The following CTNNA2 variants were observed in gnomAD, a reference collection of about 807,000 sequenced individuals.
CTNNA2 encodes the protein catenin alpha 2.
A neutral mutation model predicts 101.0 loss-of-function variants in CTNNA2; 42 were observed. The ratio of observed to expected loss-of-function variants is 0.42; its 90% confidence interval spans 0.32 to 0.54. The LOEUF (loss-of-function observed/expected upper bound fraction) is 0.54, where lower values mean the gene tolerates loss of function less well. Among genes scored for constraint, CTNNA2 ranks in the 20% least tolerant of loss-of-function variants. CTNNA2 has a pLI of 0.14. For synonymous variants in CTNNA2, 450 were observed against 456.4 expected (o/e 0.99, Z 0.18); for missense variants, 871 against 1,223.1 (o/e 0.71, Z 4.29).
chr2:79,441,623 A>G (rs1678778961), intron 4 of CTNNA2, among the ~76,000 whole-genome samples: 1 of 152,178 alleles, frequency 6.6e-6, no homozygotes, highest in African/African-American at 2.4e-5. Context: ...GATATTTTCA[A>G]TAAGCTGCTA....
chr2:79,494,445 A>G lies in CTNNA2; in HGVS notation c.-134-10609A>G, dbSNP rs144419923. 1.2e-4 allele frequency among the ~76,000 whole-genome samples: 18 copies of G among 152,346 alleles called. No individual in the cohort carries two copies. The Middle Eastern group carries it at 0.014, about 115-fold the overall frequency. On this transcript the variant is annotated intron_variant, in intron 4 of 21. Coordinates refer to the CTNNA2 transcript ENST00000466387. ...GCTACAGTAATCAAGACAGTGTAGT[A>G]CTGGTATAAAAATAGACATGTAGAT...
intron 7 of CTNNA2, among the ~76,000 whole-genome samples, chr2:80,292,749 T>G (rs1013047232): frequency 2.0e-5 from 3 of 152,214 alleles, no homozygotes; most frequent in African/African-American, 7.2e-5. Flanking sequence ...ACTCCACAAA[T>G]GTTGACTTAA....
intron 4 of CTNNA2, among the ~76,000 whole-genome samples, chr2:79,416,685 CAGTT>C (rs1272437281): frequency 6.6e-6 from 1 of 151,986 alleles, no homozygotes; most frequent in Non-Finnish European, 1.5e-5. Flanking sequence ...CCTGGGTTAA[CAGTT>C]AGGGACATAT....
At chr2:79,249,806 C>T (rs904017487) in intron 2 of CTNNA2, among the ~76,000 whole-genome samples, 5 of 152,110 alleles carry the variant, frequency 3.3e-5, no homozygotes, top group African/African-American at 9.7e-5. Context: ...GTTTAGTCCC[C>T]TCTTTAGATT....
chr2:80,366,111 T>A (rs1674908887), intron 7 of CTNNA2, among the ~76,000 whole-genome samples: 1 of 152,142 alleles, frequency 6.6e-6, no homozygotes, highest in South Asian at 2.1e-4. Context: ...AATACCAGTT[T>A]ACCAGGAAGA....
intron 2 of CTNNA2, among the ~76,000 whole-genome samples, chr2:79,221,158 T>G (rs995733091): frequency 1.3e-5 from 2 of 151,958 alleles, no homozygotes; most frequent in Non-Finnish European, 2.9e-5. Context: ...TTGTTTTTGT[T>G]GTTGTTTTGA....
At chr2:80,270,030 T>C (rs1253326501) in intron 7 of CTNNA2, among the ~76,000 whole-genome samples, 1 of 152,168 alleles carries the variant, frequency 6.6e-6, no homozygotes, top group Non-Finnish European at 1.5e-5. Flanking sequence ...AACCAGGAGT[T>C]GTAAAACTGA....
chr2:79,737,119 A>C (rs1301643414), intron 2 of CTNNA2, among the ~76,000 whole-genome samples: 2 of 152,262 alleles, frequency 1.3e-5, no homozygotes, highest in African/African-American at 4.8e-5. Context: ...AGGCAGAGGC[A>C]GGCGGATCAC....
chr2:79,793,383 T>C (rs1030486218), intron 3 of CTNNA2, among the ~76,000 whole-genome samples: 1 of 152,270 alleles, frequency 6.6e-6, no homozygotes, highest in Non-Finnish European at 1.5e-5. Flanking sequence ...GGGCATGCAG[T>C]GGGGCTGCAC....
chr2:79,998,679 T>G (rs1333048952), intron 7 of CTNNA2, among the ~76,000 whole-genome samples: 1 of 152,220 alleles, frequency 6.6e-6, no homozygotes, highest in African/African-American at 2.4e-5. Flanking sequence ...GGAATTTTAA[T>G]TTAATAGAGA....
At chr2:79,330,091 C>G (rs1676837559) in intron 3 of CTNNA2, among the ~76,000 whole-genome samples, 1 of 152,168 alleles carries the variant, frequency 6.6e-6, no homozygotes, top group Non-Finnish European at 1.5e-5. Context: ...TCATCGTTCA[C>G]TGCCTCGTGA....
intron 2 of CTNNA2, among the ~76,000 whole-genome samples, chr2:79,202,334 TA>T (rs201131749): frequency 0.071 from 7,957 of 111,404 alleles, 322 homozygotes; most frequent in Admixed American, 0.18. Context: ...CTTGTTTTTT[TA>T]TTTTTTTTAT....
chr2:79,552,265 A>G (rs1327705381), intron 1 of CTNNA2, among the ~76,000 whole-genome samples: 2 of 152,192 alleles, frequency 1.3e-5, no homozygotes, highest in East Asian at 1.9e-4. Context: ...CAGGACAATC[A>G]TTAAACCTAA....
intron 6 of CTNNA2, among the ~76,000 whole-genome samples, chr2:79,899,247 A>C (rs1488286566): frequency 6.6e-6 from 1 of 152,174 alleles, no homozygotes; most frequent in Non-Finnish European, 1.5e-5. Context: ...GATTAAGTGC[A>C]TTTTGGATAC....
chr2:79,598,516 T>A (rs1191969579), intron 1 of CTNNA2, among the ~76,000 whole-genome samples: 1 of 152,240 alleles, frequency 6.6e-6, no homozygotes, highest in East Asian at 1.9e-4. Flanking sequence ...AAGAAGTGTG[T>A]AGTGCCATCT....
intron 1 of CTNNA2, among the ~76,000 whole-genome samples, chr2:79,521,405 C>A (rs1213250412): frequency 1.3e-5 from 2 of 151,888 alleles, no homozygotes; most frequent in Non-Finnish European, 2.9e-5. Flanking sequence ...TCTCTTCCTG[C>A]AGAATGAGGA....
chr2:79,670,993 T>G (rs1173774568), intron 2 of CTNNA2, among the ~76,000 whole-genome samples: 1 of 152,190 alleles, frequency 6.6e-6, no homozygotes, highest in African/African-American at 2.4e-5. Flanking sequence ...TTGGAATATG[T>G]GTAAGGTGAA....
At chr2:80,439,395 T>G (rs1332521262) in intron 9 of CTNNA2, among the ~76,000 whole-genome samples, 2 of 152,074 alleles carry the variant, frequency 1.3e-5, no homozygotes, top group African/African-American at 4.8e-5. Context: ...GGTTTTTTTG[T>G]TTTGTTTTGT....
intron 4 of CTNNA2, among the ~76,000 whole-genome samples, chr2:79,417,826 T>C (rs1473437526): frequency 2.0e-5 from 3 of 152,286 alleles, no homozygotes; most frequent in East Asian, 3.9e-4. Context: ...ATATTTGTGC[T>C]ATGAAGTTAT....
Sources: allele counts gnomAD v4.1 joint callset (sites outside exome capture counted in the v4.1 genomes callset), GRCh38; gene constraint gnomAD v4.1.1; transcripts MANE v1.5; gene names NCBI Gene and HGNC (gene_info 2026-07-23, HGNC 2026-07-21).